The following SAMD5 variants were observed in gnomAD, a reference collection of about 807,000 sequenced individuals.
The protein encoded by SAMD5 is sterile alpha motif domain-containing protein 5.
Under a neutral mutation model 11.3 loss-of-function variants are expected in SAMD5, and 13 were observed. That is an observed-to-expected ratio of 1.15 (90% CI 0.75 to 1.83). The LOEUF (loss-of-function observed/expected upper bound fraction) is 1.83. Among genes scored for constraint, SAMD5 ranks in the 40% most tolerant of loss-of-function variants. The pLI is 0.00. For missense variants in SAMD5, 255 were observed against 239.1 expected (o/e 1.07, Z -0.44); for synonymous variants, 129 against 111.3 (o/e 1.16, Z -1.00).
At chr6:147,599,884 A>C (rs1296477954) in intron 1 of SAMD5, among the ~76,000 whole-genome samples, 1 of 152,192 alleles carries the variant, frequency 6.6e-6, no homozygotes, top group Non-Finnish European at 1.5e-5. Context: ...TGCTGAACTT[A>C]GTGTACTGCT....
At chr6:147,779,906 G>A in the SAMD5 span, among the ~76,000 whole-genome samples, 1 of 152,168 alleles carries the variant, frequency 6.6e-6, no homozygotes, top group Admixed American at 6.5e-5. Context: ...TAGGCCTATA[G>A]TCCTATAGTA....
At chr6:147,843,887 C>T in the SAMD5 span, among the ~76,000 whole-genome samples, 4 of 152,192 alleles carry the variant, frequency 2.6e-5, no homozygotes, top group South Asian at 2.1e-4. Context: ...AACTATAACA[C>T]GACTGCAAGA....
At chr6:147,520,652 T>C (rs1004924833) in intron 1 of SAMD5, among the ~76,000 whole-genome samples, 3 of 152,212 alleles carry the variant, frequency 2.0e-5, no homozygotes, top group Non-Finnish European at 2.9e-5. Context: ...ACAAAACTAG[T>C]ATCACAGTCT....
At chr6:147,797,710 G>T in the SAMD5 span, among the ~76,000 whole-genome samples, 6 of 138,756 alleles carry the variant, frequency 4.3e-5, no homozygotes, top group African/African-American at 1.4e-4. Flanking sequence ...GACTCTTTTT[G>T]GTTGGTAAGC....
the SAMD5 span, among the ~76,000 whole-genome samples, chr6:147,768,530 AC>A: frequency 3.6e-4 from 55 of 152,132 alleles, no homozygotes; most frequent in African/African-American, 1.3e-3. Flanking sequence ...CAACAAAAAA[AC>A]AGAAAAAAAC....
chr6:147,815,009 A>G, the SAMD5 span, among the ~76,000 whole-genome samples: 1 of 152,198 alleles, frequency 6.6e-6, no homozygotes, highest in African/African-American at 2.4e-5. Context: ...CAGGCTTTGC[A>G]TTGAAAGGGA....
chr6:147,667,943 C>T (rs1043216088), intron 1 of SAMD5, among the ~76,000 whole-genome samples: 1 of 152,002 alleles, frequency 6.6e-6, no homozygotes, highest in African/African-American at 2.4e-5. Context: ...CCAAGTTAAA[C>T]ATGAAATGAA....
At chr6:147,836,007 G>T in the SAMD5 span, among the ~76,000 whole-genome samples, 7 of 152,204 alleles carry the variant, frequency 4.6e-5, no homozygotes, top group Admixed American at 3.3e-4. Flanking sequence ...TTGATTACCT[G>T]TGTGAACAAG....
At chr6:147,911,000 A>G in the SAMD5 span, among the ~76,000 whole-genome samples, 6 of 152,214 alleles carry the variant, frequency 3.9e-5, no homozygotes, top group Admixed American at 1.3e-4. Flanking sequence ...CGAGAATTGA[A>G]TGTTCTGTCA....
intron 1 of SAMD5, among the ~76,000 whole-genome samples, chr6:147,681,830 A>C (rs945769059): frequency 1.3e-5 from 2 of 152,186 alleles, no homozygotes; most frequent in Non-Finnish European, 2.9e-5. Flanking sequence ...CACTGAACCC[A>C]GTCACCCCAT....
rs539015492 is a variant in SAMD5 at position 147,546,081 on chromosome 6, T to C, written c.460-18313T>C. ...AAATTCGAAACCTTAACATAATAAA[T>C]GCTTATTTCTGGCTCCTGCGAAGTC... On this transcript the variant is annotated intron_variant, in intron 1 of 1. Transcript: ENST00000367474. Among the ~76,000 whole-genome samples the C allele has an allele frequency of 2.6e-5, 4 of 152,280 alleles. No individual in the cohort carries two copies. In the South Asian group the frequency reaches 8.3e-4, roughly 32 times the overall value.
At chr6:147,894,126 ATT>A in the SAMD5 span, among the ~76,000 whole-genome samples, 54 of 124,114 alleles carry the variant, frequency 4.4e-4, no homozygotes, top group East Asian at 7.1e-4. Flanking sequence ...TTTGTTTTGT[ATT>A]TTTTTTTTTT....
the SAMD5 span, among the ~76,000 whole-genome samples, chr6:147,828,332 G>C: frequency 1.3e-5 from 2 of 152,224 alleles, no homozygotes; most frequent in Admixed American, 6.5e-5. Context: ...CAAAAAAAAG[G>C]AGTTGTGATG....
At chr6:147,523,322 A>C (rs1355846895) in intron 1 of SAMD5, among the ~76,000 whole-genome samples, 1 of 152,230 alleles carries the variant, frequency 6.6e-6, no homozygotes, top group Non-Finnish European at 1.5e-5. Context: ...ATTTACATTT[A>C]AACATTTATT....
chr6:147,643,382 G>GA (rs929591132), intron 1 of SAMD5, among the ~76,000 whole-genome samples: 4 of 151,878 alleles, frequency 2.6e-5, no homozygotes. Flanking sequence ...TTAAAAAGGG[G>GA]AAAAAAACAA....
At chr6:147,883,165 G>C in the SAMD5 span, among the ~76,000 whole-genome samples, 1 of 152,208 alleles carries the variant, frequency 6.6e-6, no homozygotes, top group Non-Finnish European at 1.5e-5. Flanking sequence ...GGTTTTCCGT[G>C]ATTGAATGTA....
the SAMD5 span, among the ~76,000 whole-genome samples, chr6:147,905,382 T>C: frequency 1.3e-5 from 2 of 151,612 alleles, no homozygotes; most frequent in East Asian, 2.0e-4. Flanking sequence ...GGATTTGCCA[T>C]GTTGGTCAGG....
chr6:147,795,631 G>A, the SAMD5 span, among the ~76,000 whole-genome samples: 419 of 150,982 alleles, frequency 2.8e-3, 1 homozygote, highest in African/African-American at 9.9e-3. Context: ...GATCCCTGAG[G>A]AATCACCACA....
At chr6:147,761,913 A>G in the SAMD5 span, among the ~76,000 whole-genome samples, 1 of 152,072 alleles carries the variant, frequency 6.6e-6, no homozygotes, top group Non-Finnish European at 1.5e-5. Flanking sequence ...GGGTTTCACC[A>G]TATTGGTCAG....
Sources: gnomAD v4.1 joint callset for allele counts (sites outside exome capture counted in the v4.1 genomes callset) on GRCh38, gnomAD v4.1.1 for gene constraint, MANE v1.5 for transcripts, NCBI Gene and HGNC (gene_info 2026-07-23, HGNC 2026-07-21) for gene names.